Variants in ARID1A observed in about 807,000 individuals in gnomAD.
The protein encoded by ARID1A is AT-rich interaction domain 1A, also known as AT-rich interactive domain-containing protein 1A.
A neutral mutation model predicts 212.6 loss-of-function variants in ARID1A; 20 were observed. The ratio of observed to expected loss-of-function variants is 0.09; its 90% CI spans 0.07 to 0.14. The LOEUF (loss-of-function observed/expected upper bound fraction) is 0.14. ARID1A is among the 10% of genes least tolerant of loss of function. The pLI, the probability that ARID1A is intolerant of heterozygous loss-of-function variation, is 1.00. For synonymous variants in ARID1A, 1,376 were observed against 1,222.1 expected, an observed-to-expected ratio of 1.13 and a Z score of -2.63; for missense variants, 2,587 against 3,059.0, an observed-to-expected ratio of 0.85 and a Z score of 3.64.
At chr1:26,698,946 G>A (rs950199968) in intron 1 of ARID1A, among the ~76,000 whole-genome samples, 10 of 152,102 alleles carry the variant, frequency 6.6e-5, no homozygotes, top group African/African-American at 2.2e-4. Flanking sequence ...GTTGAATCTT[G>A]TTAACACTTT....
In ARID1A at chr1:26,760,939, C is replaced by T. The variant is rs1427130306; in HGVS notation, c.2004C>T (p.Ser668=). ...GAGTGAGCACATCAGGGATTTCCAG[C>T]AGCCAAGGAGAGCAGAGTAATCCAG... ...SPGVSTSGIS[S]SQGEQSNPAQ... is the part of the protein sequence containing the mutation. Residue 668 remains serine, a synonymous_variant, in exon 5 of 20, where the codon AGC becomes AGT. Coordinates refer to ENST00000324856, the MANE Select transcript of ARID1A (RefSeq NM_006015.6). The T allele has an allele frequency of 1.9e-6, 3 of 1,613,978 alleles. No homozygotes were observed. Among genetic ancestry groups the T allele is most frequent in the Non-Finnish European group, 2.5e-6 (3 of 1,180,032 alleles).
At chr1:26,699,652 G>T (rs1209072050) in intron 1 of ARID1A, among the ~76,000 whole-genome samples, 1 of 152,186 alleles carries the variant, frequency 6.6e-6, no homozygotes, top group African/African-American at 2.4e-5. Flanking sequence ...TTAAAAGACA[G>T]CATCCTCTTG....
At position 26,710,527 on chromosome 1, in the gene ARID1A, A is replaced by ACC. The variant is rs1553147504; in HGVS notation, c.1137+12988_1137+12989dup. ...CACACACACACACACACACACACACACCACTTGTTGTTCCAGCTTGAGAAG... is the reference window on the plus strand; with the variant it reads ...CACACACACACACACACACACACACACCCCACTTGTTGTTCCAGCTTGAGAAG... On this transcript the variant is annotated intron_variant, in intron 1 of 19. Coordinates refer to ENST00000324856, the MANE Select transcript of ARID1A (RefSeq NM_006015.6). Among the ~76,000 whole-genome samples the ACC allele has an allele frequency of 8.0e-4, 120 of 150,498 alleles. 3 individuals are homozygous for ACC. The highest frequency in any genetic ancestry group is 2.7e-3 in the African/African-American group (111 of 40,930).
chr1:26,753,089 A>G (rs560944778), intron 4 of ARID1A: 1 of 152,290 alleles, frequency 6.6e-6, no homozygotes, highest in East Asian at 1.9e-4. Context: ...ATGTGGCTCT[A>G]TTGGGAGATA....
chr1:26,705,453 C>CA (rs2080380602), intron 1 of ARID1A, among the ~76,000 whole-genome samples: 1 of 126,674 alleles, frequency 7.9e-6, no homozygotes, highest in South Asian at 2.4e-4. Flanking sequence ...TTTTTTTTTC[C>CA]CCCCCCCTCA....
chr1:26,743,747 G>T (rs1458483271), intron 4 of ARID1A, among the ~76,000 whole-genome samples: 2 of 146,856 alleles, frequency 1.4e-5, no homozygotes, highest in Non-Finnish European at 3.0e-5. Context: ...CAAGAGAATC[G>T]CTTGAACCCG....
chr1:26,778,087 A>T (rs2081153406), intron 19 of ARID1A: 1 of 149,148 alleles, frequency 6.7e-6, no homozygotes, highest in Non-Finnish European at 1.5e-5. Context: ...AAAAAAAAAA[A>T]TACACACACA....
chr1:26,757,435 A>G (rs1413087941), intron 4 of ARID1A, among the ~76,000 whole-genome samples: 1 of 148,862 alleles, frequency 6.7e-6, no homozygotes, highest in Non-Finnish European at 1.5e-5. Flanking sequence ...GCGCCACTGC[A>G]CTCCAGCCTG....
At chr1:26,744,426 G>A (rs2080817324) in intron 4 of ARID1A, among the ~76,000 whole-genome samples, 1 of 152,210 alleles carries the variant, frequency 6.6e-6, no homozygotes, top group Non-Finnish European at 1.5e-5. Context: ...CTTAACTCTA[G>A]TATGATGGCT....
chr1:26,706,546 CTGCCG>C (rs1323594761), intron 1 of ARID1A, among the ~76,000 whole-genome samples: 2 of 152,208 alleles, frequency 1.3e-5, no homozygotes, highest in Non-Finnish European at 2.9e-5. Context: ...TTACTCTCAA[CTGCCG>C]TGTACTTTGA....
chr1:26,723,492 G>GT (rs1420924047), intron 1 of ARID1A, among the ~76,000 whole-genome samples: 1 of 152,182 alleles, frequency 6.6e-6, no homozygotes, highest in Non-Finnish European at 1.5e-5. Flanking sequence ...ACCTGGGGCT[G>GT]TTTTCTGCTG....
chr1:26,744,159 G>A (rs1028813751), intron 4 of ARID1A, among the ~76,000 whole-genome samples: 3 of 152,172 alleles, frequency 2.0e-5, no homozygotes, highest in African/African-American at 7.2e-5. Flanking sequence ...TAGAACGCTG[G>A]TTCTCTGGGC....
At chr1:26,767,041 C>T (rs532488111) in intron 10 of ARID1A, among the ~76,000 whole-genome samples, 20 of 152,264 alleles carry the variant, frequency 1.3e-4, no homozygotes, top group African/African-American at 4.1e-4. Flanking sequence ...TTAGGTTGGT[C>T]CTGGGTGTAC....
At chr1:26,707,366 G>A (rs531543599) in intron 1 of ARID1A, among the ~76,000 whole-genome samples, 9 of 151,778 alleles carry the variant, frequency 5.9e-5, no homozygotes, top group Admixed American at 5.9e-4. Context: ...CTTCCACCAC[G>A]CCCTGCTAAT....
Position 26,774,408 on chromosome 1 carries a change from G to A in ARID1A, c.4181G>A (p.Ser1394Asn), listed in dbSNP as rs2124117537. 1.2e-6 allele frequency: 2 copies of A among 1,611,518 alleles called. No individual in the cohort carries two copies. The highest frequency in any genetic ancestry group is 2.2e-5 in the South Asian group (2 of 90,804). Reference protein sequence around the residue: ...HEGEMYSVPYSTGQGQPQQQQ... With the variant: ...HEGEMYSVPYNTGQGQPQQQQ... The stretch of plus-strand genomic sequence containing the variant: ...GGGGAGATGTACAGCGTGCCATACA[G>A]CACTGGGCAGGGGCAGCCTCAGCAG... Residue 1394 changes from serine (S) to asparagine (N), a missense_variant, in exon 18 of 20, where the codon AGC (serine) becomes AAC (asparagine). Physicochemically the swap from Ser to Asn is conservative, Grantham distance 46 (BLOSUM62 1). Transcript: ENST00000324856. The surrounding 1 kb of genome is among the most constrained non-coding windows in gnomAD (Gnocchi z 5.6).
rs1570538864 is a variant in ARID1A, at chr1:26,696,759, A to G, written c.356A>G (p.Glu119Gly). 3.7e-6 allele frequency: 5 copies of G among 1,352,222 alleles called. No homozygotes were observed. The highest frequency in any genetic ancestry group is 4.7e-6 in the Non-Finnish European group (5 of 1,056,560). 83.8% of individuals were successfully genotyped at this position (1,352,222 alleles called of 1,614,324 possible). A position where few individuals can be genotyped will look rare whatever the true frequency, so the allele number is the denominator to read the frequency against. ...PRPALNNNLT[E>G]PPGGGGGGSS... ...CCCGCCCTGAACAATAACCTCACGGAGCCGCCCGGCGGCGGCGGTGGCGGC... is the reference window on the plus strand; with the variant it reads ...CCCGCCCTGAACAATAACCTCACGGGGCCGCCCGGCGGCGGCGGTGGCGGC... The change falls in exon 1 of 20, where the codon GAG becomes GGG. Residue 119 changes from glutamate to glycine, a missense_variant. Physicochemically the swap from Glu to Gly is moderately conservative, Grantham distance 98. Coordinates refer to ENST00000324856, the MANE Select transcript of ARID1A (RefSeq NM_006015.6).
At position 26,763,301 on chromosome 1, in the gene ARID1A, C is replaced by T. The variant is rs528659744; in HGVS notation, c.2732+16C>T. ...TCCAAAACAGGTAAGGCCTGGGAAG[C>T]AGAGAGGGTGTCAGTGCAAGAAAAT... On this transcript the variant is annotated intron_variant, in intron 8 of 19. Transcript: ENST00000324856. The T allele has an allele frequency of 1.3e-6, 2 of 1,575,282 alleles. No individual in the cohort carries two copies. Among genetic ancestry groups the T allele is most frequent in the Non-Finnish European group, 1.7e-6 (2 of 1,156,902 alleles).
chr1:26,778,947 A>G, intron 19 of ARID1A, 76 bp from the exon 20 acceptor site: 9 of 1,370,138 alleles, frequency 6.6e-6, no homozygotes, highest in Non-Finnish European at 8.8e-6. Flanking sequence ...AGACTTGGGG[A>G]GGTCTCTCAA....
intron 6 of ARID1A, 94 bp downstream of exon 6, chr1:26,761,567 C>A: frequency 8.1e-7 from 1 of 1,227,560 alleles, no homozygotes; most frequent in Non-Finnish European, 1.2e-6. Flanking sequence ...GACCATGAAG[C>A]TTAGGACAAT....
Sources: gnomAD v4.1 joint callset for allele counts (sites outside exome capture counted in the v4.1 genomes callset) on GRCh38, gnomAD v4.1.1 for gene constraint, Gnocchi (gnomAD v3.1) non-coding constraint, MANE v1.5 for transcripts, NCBI Gene and HGNC (gene_info 2026-07-23, HGNC 2026-07-21) for gene names.